The following CSPP1 variants were observed in gnomAD, a reference collection of about 807,000 sequenced individuals.
CSPP1 encodes centrosome and spindle pole associated protein 1.
Under a neutral mutation model 164.4 loss-of-function variants are expected in CSPP1, and 126 were observed. That is an observed-to-expected ratio of 0.77 (90% CI 0.66 to 0.89). The LOEUF is 0.89. Ranked by LOEUF, CSPP1 falls within the 40% of genes least tolerant of loss-of-function variation. The probability of loss-of-function intolerance (pLI) is 0.00; values close to 1 mark genes in which losing one functional copy is unlikely to be tolerated. For synonymous variants in CSPP1, 472 were observed against 476.7 expected, an observed-to-expected ratio of 0.99 and a Z score of 0.13; for missense variants, 1,395 against 1,449.8, an observed-to-expected ratio of 0.96 and a Z score of 0.61.
At chr8:67,112,542 G>A (rs1817074051) in intron 10 of CSPP1, among the ~76,000 whole-genome samples, 1 of 151,930 alleles carries the variant, frequency 6.6e-6, no homozygotes, top group South Asian at 2.1e-4. Context: ...CCCAATAATG[G>A]AGCCTCAAAA....
intron 9 of CSPP1, among the ~76,000 whole-genome samples, chr8:67,111,109 TG>T (rs1816758667): frequency 6.6e-6 from 1 of 152,166 alleles, no homozygotes. Flanking sequence ...GTACAGAAAT[TG>T]CTGTTTCAAT....
chr8:67,116,227 G>T, intron 13 of CSPP1, 105 bp downstream of exon 13: 1 of 803,242 alleles, frequency 1.2e-6, no homozygotes, highest in Non-Finnish European at 2.0e-6. Context: ...CAGAGATTTT[G>T]TACAGTTAAC....
At chr8:67,085,553 T>A (rs1810216576) in intron 3 of CSPP1, among the ~76,000 whole-genome samples, 2 of 152,214 alleles carry the variant, frequency 1.3e-5, no homozygotes, top group South Asian at 4.1e-4. Context: ...AATTAGTGTA[T>A]AATTAAGTGA....
intron 7 of CSPP1, among the ~76,000 whole-genome samples, chr8:67,102,567 C>T (rs146107165): frequency 1.3e-4 from 20 of 151,914 alleles, no homozygotes; most frequent in Admixed American, 3.3e-4. Flanking sequence ...TCCAGCCTGG[C>T]GACACAGCAA....
rs770727224 is a variant in CSPP1, at chr8:67,179,919, T to C, written c.3213T>C (p.Ala1071=). 9 of 1,545,256 alleles carry C rather than the reference T, an allele frequency of 5.8e-6. No individual in the cohort carries two copies. The Admixed American group carries it at 1.2e-4, about 20-fold the overall frequency. The part of the protein sequence containing the change: ...LKNSLLESDS[A]FIGAYGETYP... ...ACTCATTATTGGAATCTGATAGTGC[T>C]TTTATTGGTGAGTATATTTATTTTA... The change falls in exon 28 of 31, where the codon GCT becomes GCC. Residue 1071 remains alanine (A), a synonymous_variant. Coordinates refer to ENST00000678616, the MANE Select transcript of CSPP1 (RefSeq NM_001382391.1).
chr8:67,181,844 G>A (rs1170827627), intron 28 of CSPP1, among the ~76,000 whole-genome samples: 1 of 152,012 alleles, frequency 6.6e-6, no homozygotes, highest in African/African-American at 2.4e-5. Context: ...TCTCCCTCCA[G>A]CCCCTGGCAG....
At chr8:67,164,062 C>T (rs1828863907) in intron 23 of CSPP1, among the ~76,000 whole-genome samples, 1 of 152,170 alleles carries the variant, frequency 6.6e-6, no homozygotes, top group African/African-American at 2.4e-5. Flanking sequence ...GCATTTTTAT[C>T]ATGCACAGTT....
At chr8:67,170,681 T>C (rs1830293594) in intron 24 of CSPP1, among the ~76,000 whole-genome samples, 1 of 152,224 alleles carries the variant, frequency 6.6e-6, no homozygotes, top group Admixed American at 6.5e-5. Context: ...CATTCTATTG[T>C]AATAAGGTAT....
chr8:67,146,024 G>A (rs576631744), intron 17 of CSPP1, among the ~76,000 whole-genome samples: 3 of 151,992 alleles, frequency 2.0e-5, no homozygotes, highest in South Asian at 2.1e-4. Context: ...TTATTTGGAA[G>A]TGGACTTAAA....
Position 67,064,504 on chromosome 8 carries a change from T to G in CSPP1, c.-45T>G. 6.2e-7 allele frequency: 1 copy of G among 1,613,212 alleles called. No homozygotes were observed. The highest frequency in any genetic ancestry group is 8.5e-7 in the Non-Finnish European group (1 of 1,179,778). ...GCGAGCCCGCTCCCCTGAGTAAGAG[T>G]CAGCCAGCCGCGGATGGGGAGCGTG... On this transcript the variant is annotated 5_prime_UTR_variant, in exon 1 of 31. Coordinates refer to ENST00000678616, the MANE Select transcript of CSPP1 (RefSeq NM_001382391.1).
chr8:67,077,443 C>T lies in CSPP1; in HGVS notation c.199+862C>T, dbSNP rs141803398. Among the ~76,000 whole-genome samples the T allele has an allele frequency of 1.9e-3, 295 of 152,294 alleles. 3 individuals carry two copies. Among genetic ancestry groups the T allele is most frequent in the African/African-American group, 6.2e-3 (259 of 41,562 alleles). On this transcript the variant is annotated intron_variant, in intron 3 of 30. Transcript: ENST00000678616. ...CTCCACCTCCCAGGTTCAGGCGATT[C>T]TCCTGTCTCAGTCTCTCAAGTAGCT... is the stretch of plus-strand genomic sequence containing the variant.
At chr8:67,185,827 AT>A (rs1234891072) in intron 28 of CSPP1, among the ~76,000 whole-genome samples, 1 of 152,234 alleles carries the variant, frequency 6.6e-6, no homozygotes, top group Non-Finnish European at 1.5e-5. Context: ...CCAGAAATGC[AT>A]AAAAGTCAAA....
At position 67,149,855 on chromosome 8, in the gene CSPP1, A is replaced by C. The variant is rs1226391179; in HGVS notation, c.2048A>C (p.Lys683Thr). The part of the protein sequence containing the change: ...HNPDARTYED[K>T]RAVVSLDPNL... ...CCAGATGCAAGAACATATGAAGATA[A>C]AAGGGCTGTTGTATCTCTAGACCCA... Residue 683 changes from lysine to threonine, a missense_variant, in exon 18 of 31, where the codon AAA (lysine) becomes ACA (threonine). By Grantham distance (78) the Lys-to-Thr change is moderately conservative. Transcript: ENST00000678616. 5 of 1,609,328 alleles carry C rather than the reference A, an allele frequency of 3.1e-6. No homozygotes were observed. Among genetic ancestry groups the C allele is most frequent in the Admixed American group, 1.7e-5 (1 of 59,392 alleles).
At chr8:67,134,329 G>A (rs1316490798) in intron 16 of CSPP1, 1 of 152,152 alleles carries the variant, frequency 6.6e-6, no homozygotes, top group Non-Finnish European at 1.5e-5. Context: ...TATTGTATTA[G>A]CAAGCATGAC....
rs868371015 is a variant in CSPP1, at chr8:67,159,828, C to T, written c.2538+691C>T. 6.7e-5 allele frequency among the ~76,000 whole-genome samples: 9 copies of T among 134,162 alleles called. No individual in the cohort carries two copies. The South Asian group carries it at 9.5e-4, about 14-fold the overall frequency. The allele number at this position is 134,162 out of a possible 152,430, so 88.0% of individuals were successfully genotyped here. On this transcript the variant is annotated intron_variant, in intron 21 of 30. Transcript: ENST00000678616. ...TGAGCCACCACGCCCGGCCTTCTCT[C>T]TCTTTCTTTCTTTCTTTCTTTCTTT...
chr8:67,161,222 C>A lies in CSPP1; in HGVS notation c.2539-589C>A, dbSNP rs560589065. Among the ~76,000 whole-genome samples, 8 of 152,218 alleles carry A rather than the reference C, an allele frequency of 5.3e-5. No individual in the cohort carries two copies. In the East Asian group the frequency reaches 1.3e-3, roughly 26 times the overall value. On this transcript the variant is annotated intron_variant, in intron 21 of 30. Transcript: ENST00000678616. ...TTTTTGTGTTTTTCTTCCTTGATAGCTTTTTGGTCTTTTGTTATGTGTACT... is the reference window on the plus strand; with the variant it reads ...TTTTTGTGTTTTTCTTCCTTGATAGATTTTTGGTCTTTTGTTATGTGTACT...
At chr8:67,190,622 C>T in intron 28 of CSPP1, 28 bp from the exon 29 acceptor site, 3 of 1,524,064 alleles carry the variant, frequency 2.0e-6, no homozygotes, top group Non-Finnish European at 2.7e-6. Flanking sequence ...AGTATTAAGA[C>T]TCCTTCTGCT....
chr8:67,075,379 T>C (rs1807704092), intron 2 of CSPP1, among the ~76,000 whole-genome samples: 1 of 152,204 alleles, frequency 6.6e-6, no homozygotes, highest in African/African-American at 2.4e-5. Flanking sequence ...TTTTTCTGGT[T>C]TAGCATTTGT....
rs1805089026 is a variant in CSPP1 at position 67,064,479 on chromosome 8, G to C, written c.-70G>C. 6.2e-7 allele frequency: 1 copy of C among 1,613,778 alleles called. No individual in the cohort carries two copies. Among genetic ancestry groups the C allele is most frequent in the Admixed American group, 1.7e-5 (1 of 59,988 alleles). On this transcript the variant is annotated 5_prime_UTR_variant, in exon 1 of 31. Coordinates refer to ENST00000678616, the MANE Select transcript of CSPP1 (RefSeq NM_001382391.1). ...TAGAGCACTGTGTGTCTCCCCGGAC[G>C]CGAGCCCGCTCCCCTGAGTAAGAGT...
Sources: gnomAD v4.1 joint callset for allele counts (sites outside exome capture counted in the v4.1 genomes callset) on GRCh38, gnomAD v4.1.1 for gene constraint, MANE v1.5 for transcripts, NCBI Gene and HGNC (gene_info 2026-07-23, HGNC 2026-07-21) for gene names.